PHF19: variants seen among roughly 807,000 people sequenced by gnomAD.
PHF19 encodes polycomb like 3.
Under a neutral mutation model 79.8 loss-of-function variants are expected in PHF19, and 21 were observed. The observed-to-expected ratio is 0.26, with a 90% confidence interval of 0.19 to 0.38. The LOEUF is 0.38. PHF19 is among the 10% of genes least tolerant of loss of function. PHF19 has a pLI of 1.00. For synonymous variants in PHF19, 273 were observed against 296.3 expected (o/e 0.92, Z 0.81); for missense variants, 445 against 744.2 (o/e 0.60, Z 4.68).
At position 120,874,048 on chromosome 9, in the gene PHF19, T is replaced by G; in HGVS notation, c.199A>C (p.Lys67Gln). ...LGKIKRVSSSKQSCLVTFEDN... is the reference protein window; with the variant it reads ...LGKIKRVSSSQQSCLVTFEDN... ...TCGAAAGTCACGAGGCAGCTTTGCT[T>G]AGAGCTGCTGACCTGGGGTACAGAT... The change falls in exon 3 of 15, where the codon AAG becomes CAG. Residue 67 changes from lysine (K) to glutamine (Q), a missense_variant. By Grantham distance (53) the Lys-to-Gln change is moderately conservative (BLOSUM62 1). Around this residue, in one of 5 missense-constraint regions of PHF19, gnomAD observed 167 missense variants for 375.8 expected, o/e 0.44. Transcript: ENST00000373896. The surrounding 1 kb of genome is among the most constrained non-coding windows in gnomAD (Gnocchi z 4.5). 6.3e-7 allele frequency: 1 copy of G among 1,599,684 alleles called. No individual in the cohort carries two copies. Among genetic ancestry groups the G allele is most frequent in the Non-Finnish European group, 8.6e-7 (1 of 1,168,226 alleles).
rs186853352 is a variant in PHF19 at position 120,871,298 on chromosome 9, T to A, written c.269-760A>T. On this transcript the variant is annotated intron_variant, in intron 3 of 14. Transcript: ENST00000373896. The stretch of plus-strand genomic sequence containing the variant: ...CCCACCTACTTCTCCTTCCTGTAAT[T>A]ATTTTAAATTGAGTCCCAGATACCC... Among the ~76,000 whole-genome samples, 595 of 152,354 alleles carry A rather than the reference T, an allele frequency of 3.9e-3. 9 individuals carry two copies. The highest frequency in any genetic ancestry group is 0.032 in the South Asian group (155 of 4,828).
intron 8 of PHF19, 75 bp downstream of exon 8, chr9:120,865,953 A>G: frequency 6.4e-7 from 1 of 1,571,040 alleles, no homozygotes; most frequent in South Asian, 1.1e-5. Flanking sequence ...TGGAAATGGA[A>G]TTGTTCCAGG....
At chr9:120,861,823 C>T (rs2045536039) in intron 12 of PHF19, 95 bp downstream of exon 12, 2 of 858,688 alleles carry the variant, frequency 2.3e-6, no homozygotes, top group Admixed American at 3.4e-5. Context: ...TGAGAGAGTC[C>T]TCTGGGCCTG....
At chr9:120,871,431 T>C (rs1255869753) in intron 3 of PHF19, among the ~76,000 whole-genome samples, 1 of 152,246 alleles carries the variant, frequency 6.6e-6, no homozygotes. Context: ...ACATAATTGC[T>C]TAATATCATT....
upstream of PHF19, among the ~76,000 whole-genome samples, chr9:120,878,393 A>G (rs2046124706): frequency 2.0e-5 from 3 of 152,178 alleles, 1 homozygote; most frequent in South Asian, 4.2e-4. Flanking sequence ...AACACTTACC[A>G]ATAACCCCAC....
chr9:120,868,803 C>G, intron 6 of PHF19: 1 of 1,018,154 alleles, frequency 9.8e-7, no homozygotes, highest in Non-Finnish European at 1.2e-6. Context: ...CTCGACCTGC[C>G]TCACCTCCCT....
intron 3 of PHF19, among the ~76,000 whole-genome samples, chr9:120,873,189 T>TA (rs1253574149): frequency 2.0e-5 from 3 of 152,256 alleles, no homozygotes; most frequent in Non-Finnish European, 4.4e-5. Context: ...CTTCTCCTGT[T>TA]AGAGTATAAA....
chr9:120,875,373 C>T (rs1228642946), intron 1 of PHF19, among the ~76,000 whole-genome samples: 3 of 152,210 alleles, frequency 2.0e-5, no homozygotes, highest in Non-Finnish European at 4.4e-5. Context: ...CACCCAGATA[C>T]ACATTTGCTC....
chr9:120,897,538 A>C (rs1185739339), upstream of PHF19, among the ~76,000 whole-genome samples: 1 of 152,248 alleles, frequency 6.6e-6, no homozygotes, highest in Non-Finnish European at 1.5e-5. Context: ...TGGAAATATT[A>C]CATGACCTGC....
In PHF19 at chr9:120,869,117, G is replaced by A. The variant is rs949382392; in HGVS notation, c.614+65C>T. ...CACGCCAGGCTCGCTCCCTATGGGC[G>A]GTCCCTGCTGGCGATTCTTGGAGAC... On this transcript the variant is annotated intron_variant, in intron 6 of 14. Coordinates refer to ENST00000373896, the MANE Select transcript of PHF19 (RefSeq NM_015651.3). This position sits in a 1 kb window ranked among gnomAD's most constrained non-coding sequence, Gnocchi z 5.8. 160 of 1,504,282 alleles carry A rather than the reference G, an allele frequency of 1.1e-4. No individual in the cohort carries two copies. Among genetic ancestry groups the A allele is most frequent in the Non-Finnish European group, 1.4e-4 (155 of 1,117,708 alleles). 93.2% of individuals were successfully genotyped at this position (1,504,282 alleles called of 1,614,324 possible).
At chr9:120,877,222 G>GGGGGC (rs1234740144), upstream of PHF19, 19 of 967,324 alleles carry the variant, frequency 2.0e-5, no homozygotes, top group East Asian at 2.3e-4. Flanking sequence ...GGGTCTCGGC[G>GGGGGC]GGGGCGGGGC....
In PHF19 at chr9:120,874,689, C is replaced by G. The variant is rs1427715209; in HGVS notation, c.53G>C (p.Ser18Thr). The change falls in exon 2 of 15, where the codon AGC (serine) becomes ACC (threonine). Residue 18 changes from serine (S) to threonine (T), a missense_variant. Physicochemically the swap from Ser to Thr is moderately conservative, Grantham distance 58 (BLOSUM62 1). Transcript: ENST00000373896. The surrounding 1 kb of genome is among the most constrained non-coding windows in gnomAD (Gnocchi z 4.5). ...PGTRDSYGAT[S>T]HLPNKGALAK... is the part of the protein sequence containing the mutation. ...CAGGGCCCCCTTGTTGGGGAGGTGG[C>G]TGGTGGCACCATAGGAGTCCCGAGT... The G allele has an allele frequency of 6.2e-7, 1 of 1,613,694 alleles. No individual in the cohort carries two copies. Among genetic ancestry groups the G allele is most frequent in the East Asian group, 2.2e-5 (1 of 44,906 alleles).
chr9:120,878,538 GT>G (rs753097898), upstream of PHF19, among the ~76,000 whole-genome samples: 1 of 152,188 alleles, frequency 6.6e-6, no homozygotes, highest in Non-Finnish European at 1.5e-5. Context: ...AGCCTTCCCT[GT>G]TCACTGTCAG....
chr9:120,861,261 C>G lies in PHF19; in HGVS notation c.1219-87G>C, dbSNP rs560303275. On this transcript the variant is annotated intron_variant, in intron 12 of 14. Transcript: ENST00000373896. ...CAGGCTGCCTCCTATCCAGCCAGGG[C>G]CGCTGAGGGCTGGGCCCTCCCTAGG... 5.0e-4 allele frequency: 411 copies of G among 815,752 alleles called. 3 individuals are homozygous for G. The African/African-American group carries it at 6.1e-3, about 12-fold the overall frequency. The allele number at this position is 815,752 out of a possible 1,614,324, so 50.5% of individuals were successfully genotyped here.
intron 1 of PHF19, among the ~76,000 whole-genome samples, chr9:120,885,704 G>A (rs1281974477): frequency 6.6e-6 from 1 of 152,052 alleles, no homozygotes; most frequent in Non-Finnish European, 1.5e-5. Context: ...CCCCTCCCTT[G>A]CCCAGAGATG....
At chr9:120,872,866 C>T (rs1471641958) in intron 3 of PHF19, among the ~76,000 whole-genome samples, 4 of 151,990 alleles carry the variant, frequency 2.6e-5, no homozygotes, top group Admixed American at 2.0e-4. Context: ...AGGCGATTCA[C>T]CCACCTTGGC....
At chr9:120,893,223 G>A (rs1235256190) in intron 1 of PHF19, among the ~76,000 whole-genome samples, 1 of 152,214 alleles carries the variant, frequency 6.6e-6, no homozygotes, top group Non-Finnish European at 1.5e-5. Flanking sequence ...CAACATGAGT[G>A]AGGACGCTCT....
chr9:120,884,810 A>G (rs1223432023), intron 1 of PHF19, among the ~76,000 whole-genome samples: 1 of 151,602 alleles, frequency 6.6e-6, no homozygotes, highest in African/African-American at 2.4e-5. Context: ...GATCCCAGCT[A>G]CTCCAGAGGC....
Position 120,866,164 on chromosome 9 carries a change from C to T in PHF19, c.711-68G>A. The T allele has an allele frequency of 9.0e-7, 1 of 1,109,622 alleles. No individual in the cohort carries two copies. The highest frequency in any genetic ancestry group is 1.4e-6 in the Non-Finnish European group (1 of 721,092). 68.7% of individuals were successfully genotyped at this position (1,109,622 alleles called of 1,614,324 possible). A position where few individuals can be genotyped will look rare whatever the true frequency, so the allele number is the denominator to read the frequency against. On this transcript the variant is annotated intron_variant, in intron 7 of 14. Transcript: ENST00000373896. This position sits in a 1 kb window ranked among gnomAD's most constrained non-coding sequence, Gnocchi z 5.2. ...TGACACCCCCACCCCAGTCCAGCCC[C>T]TTGATCTCCTCATTCCCCACCTACC...
Sources: allele counts gnomAD v4.1 joint callset (sites outside exome capture counted in the v4.1 genomes callset), GRCh38; gene constraint gnomAD v4.1.1; regional missense constraint gnomAD v4.1.1; non-coding constraint Gnocchi (gnomAD v3.1); transcripts MANE v1.5; gene names NCBI Gene and HGNC (gene_info 2026-07-23, HGNC 2026-07-21).